Variants in FBXL7 observed in about 807,000 individuals in gnomAD.
The protein encoded by FBXL7 is F-box/LRR-repeat protein 7.
FBXL7 carries 12 observed loss-of-function variants against 38.3 expected under a neutral mutation model. The ratio of observed to expected loss-of-function variants is 0.31; its 90% CI spans 0.20 to 0.51. FBXL7 has a LOEUF of 0.51. Ranked by LOEUF, FBXL7 falls within the 20% of genes least tolerant of loss-of-function variation. The pLI is 0.98. For missense variants in FBXL7, 567 were observed against 676.4 expected (o/e 0.84, Z 1.79); for synonymous variants, 297 against 300.9 (o/e 0.99, Z 0.13).
chr5:15,658,085 G>T (rs924240263), intron 2 of FBXL7, among the ~76,000 whole-genome samples: 2 of 152,070 alleles, frequency 1.3e-5, no homozygotes, highest in African/African-American at 4.8e-5. Flanking sequence ...GTTGAGGGTG[G>T]CAGAAAAGCA....
At position 15,892,481 on chromosome 5, in the gene FBXL7, G is replaced by A. The variant is rs190283758; in HGVS notation, c.128-35409G>A. ...GCTGCAGGAGCTCAGAAGTCACAGC[G>A]GAAGGTCAGATGGGAGACTGGTAGT... On this transcript the variant is annotated intron_variant, in intron 2 of 3. Transcript: ENST00000504595. 2.6e-3 allele frequency among the ~76,000 whole-genome samples: 397 copies of A among 152,312 alleles called. 1 individual carries two copies. Among genetic ancestry groups the A allele is most frequent in the Non-Finnish European group, 1.7e-3 (116 of 68,032 alleles).
intron 1 of FBXL7, among the ~76,000 whole-genome samples, chr5:15,597,443 G>T (rs955376607): frequency 2.8e-5 from 4 of 144,870 alleles, no homozygotes; most frequent in Non-Finnish European, 4.5e-5. Flanking sequence ...AGCTTATTCT[G>T]CCTGTCCCAA....
At chr5:15,696,053 CTACTTTTTGT>C (rs1232536104) in intron 2 of FBXL7, among the ~76,000 whole-genome samples, 1 of 152,186 alleles carries the variant, frequency 6.6e-6, no homozygotes. Context: ...GTTCCCTTTG[CTACTTTTTGT>C]TACTTCTTTT....
At chr5:15,642,239 A>G (rs1295467256) in intron 2 of FBXL7, among the ~76,000 whole-genome samples, 1 of 152,152 alleles carries the variant, frequency 6.6e-6, no homozygotes, top group South Asian at 2.1e-4. Flanking sequence ...GGAAAAATTA[A>G]CAAAAGGATA....
At chr5:15,564,978 T>C (rs1160738499) in intron 1 of FBXL7, among the ~76,000 whole-genome samples, 1 of 152,156 alleles carries the variant, frequency 6.6e-6, no homozygotes, top group African/African-American at 2.4e-5. Context: ...TGTCTTTTTT[T>C]AATATAAAGA....
chr5:15,543,952 C>G lies in FBXL7; in HGVS notation c.37+43239C>G, dbSNP rs192997349. Among the ~76,000 whole-genome samples, 7 of 152,246 alleles carry G rather than the reference C, an allele frequency of 4.6e-5. No homozygotes were observed. In the East Asian group the frequency reaches 9.6e-4, roughly 21 times the overall value. On this transcript the variant is annotated intron_variant, in intron 1 of 3. Transcript: ENST00000504595. ...CAACTCCGGAGGTGGGACTGGGGCA[C>G]CATACCAAATTTAGGACCAGCTAAA...
chr5:15,873,550 C>G lies in FBXL7; in HGVS notation c.128-54340C>G, dbSNP rs540789098. Among the ~76,000 whole-genome samples the G allele has an allele frequency of 5.3e-5, 8 of 152,108 alleles. No individual in the cohort carries two copies. In the East Asian group the frequency reaches 1.2e-3, roughly 22 times the overall value. On this transcript the variant is annotated intron_variant, in intron 2 of 3. Transcript: ENST00000504595. ...AATAAAGAAGAAAATAGAGAAGAAT[C>G]AAATATACACAATAAAAGAATGATA...
chr5:15,635,030 ATT>A (rs34825589), intron 2 of FBXL7, among the ~76,000 whole-genome samples: 7 of 149,774 alleles, frequency 4.7e-5, no homozygotes, highest in African/African-American at 7.3e-5. Flanking sequence ...AATGTGGACA[ATT>A]TTTTTTTTTG....
chr5:15,669,490 TTACA>T (rs1481384970), intron 2 of FBXL7, among the ~76,000 whole-genome samples: 1 of 152,186 alleles, frequency 6.6e-6, no homozygotes, highest in Non-Finnish European at 1.5e-5. Context: ...AGGACTGCTC[TTACA>T]TACGTTTTTA....
chr5:15,562,451 TAAAC>T (rs1738439232), intron 1 of FBXL7, among the ~76,000 whole-genome samples: 1 of 152,150 alleles, frequency 6.6e-6, no homozygotes, highest in African/African-American at 2.4e-5. Flanking sequence ...GCAAGTGACC[TAAAC>T]AAACATTTGT....
chr5:15,800,109 G>A (rs1737522957), intron 2 of FBXL7, among the ~76,000 whole-genome samples: 1 of 152,078 alleles, frequency 6.6e-6, no homozygotes. Context: ...TGAAATCCAG[G>A]GAGGAGCACA....
chr5:15,533,621 A>G (rs1282976182), intron 1 of FBXL7, among the ~76,000 whole-genome samples: 2 of 152,156 alleles, frequency 1.3e-5, no homozygotes, highest in South Asian at 4.1e-4. Context: ...AGCCAGAAAA[A>G]TCGCCTAAAC....
chr5:15,821,509 A>G (rs991984969), intron 2 of FBXL7, among the ~76,000 whole-genome samples: 1 of 152,210 alleles, frequency 6.6e-6, no homozygotes, highest in Non-Finnish European at 1.5e-5. Context: ...GATGTTGGGC[A>G]ATTTACTTAA....
intron 2 of FBXL7, among the ~76,000 whole-genome samples, chr5:15,747,891 A>G (rs1736055860): frequency 6.6e-6 from 1 of 152,160 alleles, no homozygotes; most frequent in Non-Finnish European, 1.5e-5. Flanking sequence ...TTGCCCAGCT[A>G]GATGTTAGGA....
At chr5:15,614,883 C>T (rs1467342530) in intron 1 of FBXL7, among the ~76,000 whole-genome samples, 1 of 152,174 alleles carries the variant, frequency 6.6e-6, no homozygotes, top group Non-Finnish European at 1.5e-5. Flanking sequence ...TTTTAAAGTA[C>T]TCACCTAATT....
At chr5:15,731,603 A>C (rs1735586540) in intron 2 of FBXL7, among the ~76,000 whole-genome samples, 1 of 152,132 alleles carries the variant, frequency 6.6e-6, no homozygotes, top group Admixed American at 6.5e-5. Context: ...AAAAAAAATG[A>C]ATGTGCAGAG....
At chr5:15,921,872 GAACCCT>G (rs1741751756) in intron 2 of FBXL7, among the ~76,000 whole-genome samples, 1 of 152,132 alleles carries the variant, frequency 6.6e-6, no homozygotes, top group East Asian at 1.9e-4. Flanking sequence ...GAAGAAAAGA[GAACCCT>G]TGGAATCTAG....
At position 15,720,225 on chromosome 5, in the gene FBXL7, A is replaced by G. The variant is rs538284001; in HGVS notation, c.127+104153A>G. ...TTCTGAGTATAGTTGTAATGAGCCC[A>G]CATTATGGATGCCCCTGGGACATTT... On this transcript the variant is annotated intron_variant, in intron 2 of 3. Transcript: ENST00000504595. 2.7e-5 allele frequency among the ~76,000 whole-genome samples: 4 copies of G among 149,090 alleles called. No individual in the cohort carries two copies. In the East Asian group the frequency reaches 7.8e-4, roughly 29 times the overall value.
At chr5:15,561,017 C>A (rs1475374038) in intron 1 of FBXL7, among the ~76,000 whole-genome samples, 1 of 152,188 alleles carries the variant, frequency 6.6e-6, no homozygotes, top group Admixed American at 6.5e-5. Flanking sequence ...CATCATCTCA[C>A]ATGTTTCCGT....
Sources: gnomAD v4.1 joint callset for allele counts (sites outside exome capture counted in the v4.1 genomes callset) on GRCh38, gnomAD v4.1.1 for gene constraint, MANE v1.5 for transcripts, NCBI Gene and HGNC (gene_info 2026-07-23, HGNC 2026-07-21) for gene names.